RBPJ: variants seen among roughly 807,000 people sequenced by gnomAD.
RBPJ encodes the protein recombining binding protein suppressor of hairless.
A neutral mutation model predicts 67.8 loss-of-function variants in RBPJ; 9 were observed. The observed-to-expected ratio is 0.13, with a 90% confidence interval of 0.08 to 0.23. The LOEUF (loss-of-function observed/expected upper bound fraction) is 0.23, where lower values mean the gene tolerates loss of function less well. Ranked by LOEUF, RBPJ falls within the 10% of genes least tolerant of loss-of-function variation. The pLI, the probability that RBPJ is intolerant of heterozygous loss-of-function variation, is 1.00. For synonymous variants in RBPJ, 198 were observed against 203.3 expected (o/e 0.97, Z 0.22); for missense variants, 305 against 595.6 (o/e 0.51, Z 5.08).
chr4:26,262,580 C>T (rs1720574730), intron 1 of RBPJ, among the ~76,000 whole-genome samples: 2 of 152,190 alleles, frequency 1.3e-5, no homozygotes, highest in Non-Finnish European at 2.9e-5. Context: ...TTCCTAGATT[C>T]TTCCTTTGTG....
intron 1 of RBPJ, among the ~76,000 whole-genome samples, chr4:26,309,861 A>G (rs1722367150): frequency 6.6e-6 from 1 of 152,216 alleles, no homozygotes; most frequent in Non-Finnish European, 1.5e-5. Flanking sequence ...CAAATCTATC[A>G]ATCACACATG....
rs1290518884 is a variant in RBPJ at position 26,430,894 on chromosome 4, A to G, written c.1351A>G (p.Asn451Asp). The G allele has an allele frequency of 6.2e-7, 1 of 1,614,090 alleles. No individual in the cohort carries two copies. The highest frequency in any genetic ancestry group is 1.7e-5 in the Admixed American group (1 of 60,014). ...CSAAGAILRA[N>D]SSQVPPNESN... ...TGCAGCAGGAGCAATCCTTCGAGCC[A>G]ATTCAAGCCAGGTGCCCCCTAACGA... The change falls in exon 11 of 11, where the codon AAT becomes GAT. Residue 451 changes from asparagine (N) to aspartate (D), a missense_variant. Asn to Asp is a conservative substitution (Grantham distance 23, BLOSUM62 1). Coordinates refer to ENST00000355476, the MANE Select transcript of RBPJ (RefSeq NM_015874.6). This position sits in a 1 kb window ranked among gnomAD's most constrained non-coding sequence, Gnocchi z 4.1.
the RBPJ span, among the ~76,000 whole-genome samples, chr4:26,125,548 C>T: frequency 1.3e-5 from 2 of 152,120 alleles, no homozygotes; most frequent in Non-Finnish European, 2.9e-5. Context: ...CCTGTAATCC[C>T]AGCACTTTGG....
Position 26,430,483 on chromosome 4 carries a change from G to A in RBPJ, c.1109G>A (p.Arg370Gln), listed in dbSNP as rs1231852861. ...LTGQNFTPNL[R>Q]VWFGDVEAET... ...GGACAGAATTTCACTCCAAATTTAC[G>A]AGTGTGGTTTGGGGATGTAGAAGCT... The change falls in exon 10 of 11, where the codon CGA becomes CAA. Residue 370 changes from arginine to glutamine, a missense_variant. Arg to Gln is a conservative substitution (Grantham distance 43, BLOSUM62 1). Coordinates refer to ENST00000355476, the MANE Select transcript of RBPJ (RefSeq NM_015874.6). This position sits in a 1 kb window ranked among gnomAD's most constrained non-coding sequence, Gnocchi z 4.1. The A allele has an allele frequency of 3.7e-6, 6 of 1,608,040 alleles. No individual in the cohort carries two copies. The highest frequency in any genetic ancestry group is 1.3e-5 in the African/African-American group (1 of 74,612).
chr4:26,310,583 T>A (rs1372863596), intron 1 of RBPJ, among the ~76,000 whole-genome samples: 2 of 152,060 alleles, frequency 1.3e-5, no homozygotes, highest in African/African-American at 2.4e-5. Context: ...AAAATAATAT[T>A]GTCATTTCTG....
chr4:26,319,868 G>A, upstream of RBPJ: 1 of 1,601,096 alleles, frequency 6.2e-7, no homozygotes, highest in Non-Finnish European at 8.6e-7. Flanking sequence ...AGCAAAGGAG[G>A]GGAAAGATGG....
intron 1 of RBPJ, among the ~76,000 whole-genome samples, chr4:26,328,597 T>C (rs1723899993): frequency 6.6e-6 from 1 of 152,200 alleles, no homozygotes; most frequent in South Asian, 2.1e-4. Flanking sequence ...TTGGAAGACC[T>C]TGAGTGCTAA....
chr4:26,371,346 G>GTC (rs905782115), intron 1 of RBPJ, among the ~76,000 whole-genome samples: 3 of 152,104 alleles, frequency 2.0e-5, no homozygotes, highest in African/African-American at 7.2e-5. Context: ...ATACAGATTT[G>GTC]TATTTGAGAA....
chr4:26,229,447 G>T (rs1719198721), intron 1 of RBPJ, among the ~76,000 whole-genome samples: 1 of 152,078 alleles, frequency 6.6e-6, no homozygotes, highest in Non-Finnish European at 1.5e-5. Context: ...AGCACCCTCT[G>T]GTCTGTGCTG....
At chr4:26,227,979 C>G (rs553579721) in intron 1 of RBPJ, among the ~76,000 whole-genome samples, 3 of 152,212 alleles carry the variant, frequency 2.0e-5, no homozygotes, top group Non-Finnish European at 4.4e-5. Context: ...CCAGCGTCAC[C>G]GTGATGCGCA....
In RBPJ at chr4:26,380,526, T is replaced by A. The variant is rs527321984; in HGVS notation, c.21-5827T>A. ...TACTAAGCAGCTTCTTAGTATCATT[T>A]AACTTTTCATACTATTTGTTATCAT... On this transcript the variant is annotated intron_variant, in intron 1 of 10. Transcript: ENST00000355476. Among the ~76,000 whole-genome samples the A allele has an allele frequency of 7.9e-4, 121 of 152,312 alleles. 1 individual carries two copies. The highest frequency in any genetic ancestry group is 2.8e-3 in the African/African-American group (118 of 41,582).
At chr4:26,176,550 GCTAA>G (rs1222550787) in intron 1 of RBPJ, among the ~76,000 whole-genome samples, 1 of 152,222 alleles carries the variant, frequency 6.6e-6, no homozygotes, top group Non-Finnish European at 1.5e-5. Context: ...CACCGTGCTT[GCTAA>G]CTAAGACTGC....
intron 1 of RBPJ, among the ~76,000 whole-genome samples, chr4:26,295,817 G>C (rs1411180280): frequency 6.6e-6 from 1 of 152,166 alleles, no homozygotes; most frequent in African/African-American, 2.4e-5. Context: ...GGGATTTCCT[G>C]CCTCTACAAT....
the RBPJ span, among the ~76,000 whole-genome samples, chr4:26,125,568 G>A: frequency 8.5e-5 from 13 of 152,172 alleles, no homozygotes; most frequent in African/African-American, 3.1e-4. Flanking sequence ...GGAGGCCAAG[G>A]GGAGTGGATC....
intron 1 of RBPJ, among the ~76,000 whole-genome samples, chr4:26,255,393 G>C (rs1188192970): frequency 2.4e-5 from 2 of 84,124 alleles, no homozygotes; most frequent in Non-Finnish European, 4.0e-5. Context: ...GACAGAGCGA[G>C]ACTCCGTCTC....
the RBPJ span, among the ~76,000 whole-genome samples, chr4:26,142,113 C>T: frequency 6.6e-6 from 1 of 152,244 alleles, no homozygotes; most frequent in Non-Finnish European, 1.5e-5. Context: ...GGGTACATTT[C>T]CCCTGCCCTG....
intron 1 of RBPJ, among the ~76,000 whole-genome samples, chr4:26,344,706 G>T (rs531167342): frequency 6.6e-6 from 1 of 152,046 alleles, no homozygotes; most frequent in South Asian, 2.1e-4. Flanking sequence ...AGGAAGGGTG[G>T]AATAGCAACA....
intron 1 of RBPJ, among the ~76,000 whole-genome samples, chr4:26,182,768 C>T (rs145036615): frequency 2.5e-4 from 38 of 152,110 alleles, no homozygotes; most frequent in African/African-American, 8.2e-4. Flanking sequence ...CAAAGTACTG[C>T]GATTACCGGT....
intron 1 of RBPJ, among the ~76,000 whole-genome samples, chr4:26,309,174 T>A (rs1210803394): frequency 2.6e-5 from 4 of 151,978 alleles, no homozygotes; most frequent in Non-Finnish European, 5.9e-5. Context: ...ATGCCACTAC[T>A]CCCGGCTAAT....
Sources: allele counts gnomAD v4.1 joint callset (sites outside exome capture counted in the v4.1 genomes callset), GRCh38; gene constraint gnomAD v4.1.1; non-coding constraint Gnocchi (gnomAD v3.1); transcripts MANE v1.5; gene names NCBI Gene and HGNC (gene_info 2026-07-23, HGNC 2026-07-21).